TMEM39B: variants seen among roughly 807,000 people sequenced by gnomAD.
TMEM39B encodes transmembrane protein 39B.
Under a neutral mutation model 52.2 loss-of-function variants are expected in TMEM39B, and 23 were observed. That is an observed-to-expected ratio of 0.44 (90% confidence interval 0.32 to 0.62). The LOEUF is 0.62. Among genes scored for constraint, TMEM39B ranks in the 20% least tolerant of loss-of-function variants. The probability of loss-of-function intolerance (pLI) is 0.06; values close to 1 mark genes in which losing one functional copy is unlikely to be tolerated. For synonymous variants in TMEM39B, 285 were observed against 264.0 expected (o/e 1.08, Z -0.77); for missense variants, 547 against 642.0 (o/e 0.85, Z 1.60).
chr1:32,078,552 A>G (rs1410861026), intron 5 of TMEM39B, among the ~76,000 whole-genome samples: 1 of 152,214 alleles, frequency 6.6e-6, no homozygotes, highest in African/African-American at 2.4e-5. Flanking sequence ...ACATGGAAAA[A>G]GAAAGTCCCA....
chr1:32,076,953 C>T, intron 4 of TMEM39B, 107 bp downstream of exon 4: 4 of 1,377,664 alleles, frequency 2.9e-6, no homozygotes. Flanking sequence ...TTCCTTGGGG[C>T]TCCCTTTGGA....
intron 2 of TMEM39B, 76 bp from the exon 3 acceptor site, chr1:32,075,527 C>G: frequency 6.9e-7 from 1 of 1,440,544 alleles, no homozygotes; most frequent in South Asian, 1.3e-5. Context: ...TCTTATCCCA[C>G]AATCCTTTGC....
chr1:32,076,906 C>T (rs4317856), intron 4 of TMEM39B, 60 bp downstream of exon 4: 1 of 1,567,078 alleles, frequency 6.4e-7, no homozygotes, highest in Non-Finnish European at 8.8e-7. Context: ...CCTGGGGATG[C>T]CAAGGAAACA....
chr1:32,077,878 A>G (rs571550365), intron 5 of TMEM39B, among the ~76,000 whole-genome samples: 2 of 152,134 alleles, frequency 1.3e-5, no homozygotes, highest in South Asian at 4.2e-4. Context: ...ACCAGACCCT[A>G]GATTGTTGAG....
chr1:32,079,376 G>A (rs889667310), intron 5 of TMEM39B, among the ~76,000 whole-genome samples: 2 of 151,816 alleles, frequency 1.3e-5, no homozygotes, highest in African/African-American at 2.4e-5. Flanking sequence ...AGTAGAGACA[G>A]GGTTTCACCG....
chr1:32,085,759 A>G (rs1640321162), intron 5 of TMEM39B, among the ~76,000 whole-genome samples: 1 of 152,016 alleles, frequency 6.6e-6, no homozygotes, highest in Admixed American at 6.6e-5. Context: ...TCAAAAAAAA[A>G]AAAAAAATTC....
chr1:32,077,208 G>A lies in TMEM39B; in HGVS notation c.480G>A (p.Leu160=). ...GKVSLFRSIL[L]FLTRFTVLTA... The stretch of plus-strand genomic sequence containing the variant: ...TCTCCCTCTTTCGCTCCATCCTGCT[G>A]TTCCTCACTCGCTTCACCGTTCTCA... Residue 160 remains leucine, a synonymous_variant, in exon 5 of 9, where the codon CTG becomes CTA. Transcript: ENST00000336294. The A allele has an allele frequency of 3.1e-6, 5 of 1,614,138 alleles. No individual in the cohort carries two copies. Among genetic ancestry groups the A allele is most frequent in the Non-Finnish European group, 4.2e-6 (5 of 1,180,020 alleles).
chr1:32,080,123 C>T (rs901086677), intron 5 of TMEM39B, among the ~76,000 whole-genome samples: 26 of 151,900 alleles, frequency 1.7e-4, no homozygotes, highest in South Asian at 2.1e-4. Flanking sequence ...CTCCTGACCT[C>T]GTGATCCGCC....
chr1:32,073,094 C>T, intron 1 of TMEM39B, 43 bp downstream of exon 1: 1 of 1,443,332 alleles, frequency 6.9e-7, no homozygotes, highest in Non-Finnish European at 9.1e-7. Context: ...CGAGCGGGCG[C>T]ACGGGTTAGG....
intron 5 of TMEM39B, chr1:32,086,921 AAATT>A (rs1640374252): frequency 6.6e-6 from 1 of 152,200 alleles, no homozygotes; most frequent in African/African-American, 2.4e-5. Flanking sequence ...GAAAATATAA[AAATT>A]AGTTGGGCAT....
intron 6 of TMEM39B, among the ~76,000 whole-genome samples, chr1:32,093,599 A>G (rs1227565073): frequency 6.0e-5 from 9 of 148,960 alleles, no homozygotes; most frequent in African/African-American, 9.9e-5. Context: ...TTTAGTAGAG[A>G]CGGGGTTTCG....
In TMEM39B at chr1:32,077,308, C is replaced by T; in HGVS notation, c.580C>T (p.Leu194Phe). 6.2e-7 allele frequency: 1 copy of T among 1,614,170 alleles called. No individual in the cohort carries two copies. Among genetic ancestry groups the T allele is most frequent in the Non-Finnish European group, 8.5e-7 (1 of 1,180,030 alleles). ...CTACTCCTTCCTGAACCTCCTGTTC[C>T]TCTGCTATCCGTGAGTACCCCTCAC... ...RTYSFLNLLF[L>F]CYPFGMYIPF... is the part of the protein sequence containing the mutation. The change falls in exon 5 of 9, where the codon CTC (leucine) becomes TTC (phenylalanine). Residue 194 changes from leucine to phenylalanine, a missense_variant. Coordinates refer to ENST00000336294, the MANE Select transcript of TMEM39B (RefSeq NM_018056.4).
At chr1:32,083,951 C>T (rs1640225738) in intron 5 of TMEM39B, among the ~76,000 whole-genome samples, 1 of 150,722 alleles carries the variant, frequency 6.6e-6, no homozygotes, top group African/African-American at 2.5e-5. Context: ...TTCCACTGCA[C>T]TCCAGCGTGG....
In TMEM39B at chr1:32,075,814, A is replaced by G; in HGVS notation, c.343A>G (p.Thr115Ala). Residue 115 changes from threonine to alanine, a missense_variant, in exon 3 of 9, where the codon ACC becomes GCC. Thr to Ala is a moderately conservative substitution (Grantham distance 58). Coordinates refer to ENST00000336294, the MANE Select transcript of TMEM39B (RefSeq NM_018056.4). ...WYPPSHPPSH[T>A]SLNFHLIDFN... ...TCCACCTTCCCACCCACCCTCCCAC[A>G]CCTCCCTGGTAGGTACCCAACAAGG... is the stretch of plus-strand genomic sequence containing the variant. 3.5e-6 allele frequency: 5 copies of G among 1,443,664 alleles called. No individual in the cohort carries two copies. Among genetic ancestry groups the G allele is most frequent in the Non-Finnish European group, 4.7e-6 (5 of 1,071,366 alleles). The allele number at this position is 1,443,664 out of a possible 1,614,324, so 89.4% of individuals were successfully genotyped here. A position where few individuals can be genotyped will look rare whatever the true frequency, so the allele number is the denominator to read the frequency against.
chr1:32,080,674 CA>C lies in TMEM39B; in HGVS notation c.590+3376del, dbSNP rs947127249. Among the ~76,000 whole-genome samples the C allele has an allele frequency of 9.3e-3, 480 of 51,698 alleles. 2 individuals are homozygous for C. Among genetic ancestry groups the C allele is most frequent in the Middle Eastern group, 0.02 (2 of 102 alleles). The allele number at this position is 51,698 out of a possible 152,430, so 33.9% of individuals were successfully genotyped here. A position where few individuals can be genotyped will look rare whatever the true frequency, so the allele number is the denominator to read the frequency against. On this transcript the variant is annotated intron_variant, in intron 5 of 8. Transcript: ENST00000336294. ...TGGGCAACAGAGTGAGACTCTGTCT[CA>C]AAAAAAAAAAAAAAAAAAAGAGTTG... is the stretch of plus-strand genomic sequence containing the variant.
At chr1:32,097,184 T>G (rs554299699) in intron 7 of TMEM39B, among the ~76,000 whole-genome samples, 4 of 152,104 alleles carry the variant, frequency 2.6e-5, no homozygotes, top group African/African-American at 7.2e-5. Flanking sequence ...ATTCAAGATA[T>G]AGAACATTTC....
chr1:32,093,913 G>C (rs1640708224), intron 6 of TMEM39B, among the ~76,000 whole-genome samples: 1 of 151,646 alleles, frequency 6.6e-6, no homozygotes, highest in African/African-American at 2.4e-5. Context: ...CCGCCTCCCG[G>C]GTTCACGCCA....
At chr1:32,073,208 C>G in intron 1 of TMEM39B, 157 bp downstream of exon 1, 86 of 527,638 alleles carry the variant, frequency 1.6e-4, no homozygotes, top group Middle Eastern at 1.5e-3. Context: ...TGTCGTTTTG[C>G]GGGGTGGGGC....
At chr1:32,073,912 A>T in intron 1 of TMEM39B, 1 of 981,146 alleles carries the variant, frequency 1.0e-6, no homozygotes, top group Non-Finnish European at 1.2e-6. Context: ...ATGTATATGT[A>T]TGTATATATA....
Sources: gnomAD v4.1 joint callset for allele counts (sites outside exome capture counted in the v4.1 genomes callset) on GRCh38, gnomAD v4.1.1 for gene constraint, MANE v1.5 for transcripts, NCBI Gene and HGNC (gene_info 2026-07-23, HGNC 2026-07-21) for gene names.